MACROD2: variants seen among roughly 807,000 people sequenced by gnomAD.
The protein encoded by MACROD2 is mono-ADP ribosylhydrolase 2.
A neutral mutation model predicts 70.4 loss-of-function variants in MACROD2; 36 were observed. That is an observed-to-expected ratio of 0.51 (90% CI 0.39 to 0.68). The LOEUF is 0.68. Among genes scored for constraint, MACROD2 ranks in the 30% least tolerant of loss-of-function variants. The pLI, the probability that MACROD2 is intolerant of heterozygous loss-of-function variation, is 0.00. For missense variants in MACROD2, 496 were observed against 538.4 expected (o/e 0.92, Z 0.78); for synonymous variants, 172 against 178.8 (o/e 0.96, Z 0.30).
At chr20:15,517,372 C>T (rs995835432) in intron 8 of MACROD2, among the ~76,000 whole-genome samples, 3 of 152,186 alleles carry the variant, frequency 2.0e-5, no homozygotes, top group Admixed American at 6.5e-5. Context: ...TCCTGAACCC[C>T]CACACAAAGT....
At chr20:15,525,224 C>T (rs1370069339) in intron 8 of MACROD2, among the ~76,000 whole-genome samples, 1 of 152,138 alleles carries the variant, frequency 6.6e-6, no homozygotes, top group Non-Finnish European at 1.5e-5. Context: ...CTATTTACTG[C>T]CATTATAATG....
intron 5 of MACROD2, among the ~76,000 whole-genome samples, chr20:15,080,120 AAATAAAT>A (rs2075691656): frequency 1.4e-5 from 1 of 72,628 alleles, no homozygotes; most frequent in African/African-American, 8.4e-5. Flanking sequence ...ACAGCCAAAT[AAATAAAT>A]AAATAAATAA....
At chr20:14,948,827 G>A (rs2074453724) in intron 5 of MACROD2, among the ~76,000 whole-genome samples, 1 of 152,130 alleles carries the variant, frequency 6.6e-6, no homozygotes, top group Admixed American at 6.6e-5. Flanking sequence ...ACAAAACTAG[G>A]GTTTGAAGCC....
At chr20:14,336,433 C>A (rs1238856296) in intron 3 of MACROD2, among the ~76,000 whole-genome samples, 1 of 152,024 alleles carries the variant, frequency 6.6e-6, no homozygotes, top group East Asian at 1.9e-4. Flanking sequence ...CTATATGCAA[C>A]CATTTTGTTT....
chr20:15,536,851 A>G (rs73897656), intron 8 of MACROD2, among the ~76,000 whole-genome samples: 2,554 of 152,282 alleles, frequency 0.017, 70 homozygotes, highest in African/African-American at 0.058. Context: ...GGAAGTGATC[A>G]TGTCACCTCT....
At chr20:14,092,435 A>C (rs992365161) in intron 3 of MACROD2, among the ~76,000 whole-genome samples, 2 of 152,210 alleles carry the variant, frequency 1.3e-5, no homozygotes, top group African/African-American at 2.4e-5. Context: ...AATATACTAC[A>C]GCCCACATCC....
At chr20:16,020,765 G>A (rs1019147602) in intron 15 of MACROD2, among the ~76,000 whole-genome samples, 1 of 151,926 alleles carries the variant, frequency 6.6e-6, no homozygotes, top group East Asian at 1.9e-4. Flanking sequence ...GTACAAGTGG[G>A]ATGGGGGGAA....
intron 1 of MACROD2, among the ~76,000 whole-genome samples, chr20:14,000,194 A>G (rs1394209485): frequency 2.6e-5 from 4 of 152,242 alleles, no homozygotes; most frequent in Non-Finnish European, 5.9e-5. Flanking sequence ...ATTTTAGGTT[A>G]TATTTTCTAA....
intron 6 of MACROD2, among the ~76,000 whole-genome samples, chr20:15,412,344 T>C (rs2046090312): frequency 6.6e-6 from 1 of 152,098 alleles, no homozygotes; most frequent in Non-Finnish European, 1.5e-5. Flanking sequence ...AGCGAAGAAT[T>C]TCCAGCTCAT....
chr20:15,766,823 C>G (rs2051535077), intron 8 of MACROD2, among the ~76,000 whole-genome samples: 1 of 152,196 alleles, frequency 6.6e-6, no homozygotes, highest in South Asian at 2.1e-4. Flanking sequence ...TCTATTATAT[C>G]TCAGGACTCT....
chr20:14,701,273 A>G (rs773646617), intron 5 of MACROD2, among the ~76,000 whole-genome samples: 63 of 152,268 alleles, frequency 4.1e-4, no homozygotes, highest in Non-Finnish European at 8.1e-4. Flanking sequence ...TTCTGGGATT[A>G]TAAATATGTG....
chr20:14,145,331 A>T lies in MACROD2; in HGVS notation c.271+59603A>T, dbSNP rs556231988. On this transcript the variant is annotated intron_variant, in intron 3 of 17. Coordinates refer to ENST00000684519, the MANE Select transcript of MACROD2 (RefSeq NM_001351661.2). ...TATAACCTCGTCTAGTGTTTGTGGTAGGTATAAATAAATGTTAGTTAACAT... is the reference window on the plus strand; with the variant it reads ...TATAACCTCGTCTAGTGTTTGTGGTTGGTATAAATAAATGTTAGTTAACAT... 3.9e-5 allele frequency among the ~76,000 whole-genome samples: 6 copies of T among 152,322 alleles called. No individual in the cohort carries two copies. The South Asian group carries it at 1.2e-3, about 32-fold the overall frequency.
At chr20:15,790,812 A>C (rs1355647437) in intron 8 of MACROD2, among the ~76,000 whole-genome samples, 2 of 151,954 alleles carry the variant, frequency 1.3e-5, no homozygotes, top group Non-Finnish European at 2.9e-5. Context: ...CAAAATAATT[A>C]GTTAATATAG....
At chr20:14,020,576 G>A (rs2053062036) in intron 2 of MACROD2, among the ~76,000 whole-genome samples, 1 of 152,160 alleles carries the variant, frequency 6.6e-6, no homozygotes, top group Non-Finnish European at 1.5e-5. Flanking sequence ...CTCTTTTGTT[G>A]AAAATCAGAC....
intron 5 of MACROD2, among the ~76,000 whole-genome samples, chr20:14,767,068 C>T (rs745421140): frequency 6.6e-6 from 1 of 152,064 alleles, no homozygotes; most frequent in Non-Finnish European, 1.5e-5. Flanking sequence ...GTGGCTTACA[C>T]TTGTAATCCC....
intron 8 of MACROD2, among the ~76,000 whole-genome samples, chr20:15,847,345 C>T (rs2064244976): frequency 6.6e-6 from 1 of 152,128 alleles, no homozygotes; most frequent in African/African-American, 2.4e-5. Flanking sequence ...TAAATTGTGC[C>T]AATATGCCAA....
At chr20:15,653,535 T>C (rs2049678878) in intron 8 of MACROD2, among the ~76,000 whole-genome samples, 1 of 152,194 alleles carries the variant, frequency 6.6e-6, no homozygotes, top group Admixed American at 6.5e-5. Context: ...CAACATCTGG[T>C]TGGCTCAGTC....
At chr20:14,507,173 T>C (rs1011404372) in intron 4 of MACROD2, among the ~76,000 whole-genome samples, 5 of 151,770 alleles carry the variant, frequency 3.3e-5, no homozygotes, top group Non-Finnish European at 7.4e-5. Context: ...TTTGGGAAGA[T>C]GGAAAAAGTT....
At chr20:14,170,793 G>A (rs991774652) in intron 3 of MACROD2, among the ~76,000 whole-genome samples, 7 of 152,036 alleles carry the variant, frequency 4.6e-5, no homozygotes, top group African/African-American at 1.7e-4. Flanking sequence ...TAGGGATATT[G>A]GGCCTTAGTT....
Sources: gnomAD v4.1 joint callset for allele counts (sites outside exome capture counted in the v4.1 genomes callset) on GRCh38, gnomAD v4.1.1 for gene constraint, MANE v1.5 for transcripts, NCBI Gene and HGNC (gene_info 2026-07-23, HGNC 2026-07-21) for gene names.